Variants in ASIP observed in about 807,000 individuals in gnomAD.
The protein encoded by ASIP is agouti-signaling protein.
Under a neutral mutation model 10.3 loss-of-function variants are expected in ASIP, and 11 were observed. That is an observed-to-expected ratio of 1.07 (90% CI 0.68 to 1.78). ASIP has a LOEUF of 1.78. Ranked by LOEUF, ASIP falls within the 40% of genes most tolerant of loss-of-function variation. The pLI is 0.00. For missense variants in ASIP, 180 were observed against 169.2 expected, an observed-to-expected ratio of 1.06 and a Z score of -0.35; for synonymous variants, 70 against 70.8, an observed-to-expected ratio of 0.99 and a Z score of 0.06.
At chr20:34,226,789 A>G (rs750310129) in intron 1 of ASIP, among the ~76,000 whole-genome samples, 6 of 152,250 alleles carry the variant, frequency 3.9e-5, no homozygotes, top group East Asian at 3.9e-4. Context: ...GGGTCTTGCT[A>G]TGTTGACCAG....
intron 1 of ASIP, among the ~76,000 whole-genome samples, chr20:34,252,594 C>A (rs1412865559): frequency 1.3e-5 from 2 of 152,172 alleles, no homozygotes; most frequent in African/African-American, 4.8e-5. Flanking sequence ...TACACTGAGA[C>A]ATTCCATTCC....
upstream of ASIP, chr20:34,241,393 T>G: frequency 2.1e-6 from 2 of 950,256 alleles, no homozygotes; most frequent in Non-Finnish European, 2.5e-6. Context: ...GTTTTCTTGT[T>G]CTTGTCTTTG....
Position 34,262,846 on chromosome 20 carries a change from T to G in ASIP, c.175T>G (p.Ser59Ala). 1 of 1,613,854 alleles carries G rather than the reference T, an allele frequency of 6.2e-7. No homozygotes were observed. Among genetic ancestry groups the G allele is most frequent in the South Asian group, 1.1e-5 (1 of 91,080 alleles). Reference sequence around the variant, plus strand: ...TCTCTTTGAAGCGCTGAACAAGAAATCCAAACAGATCGGCAGAAAAGCAGC... The same window carrying G: ...TCTCTTTGAAGCGCTGAACAAGAAAGCCAAACAGATCGGCAGAAAAGCAGC... ...SVSIVALNKK[S>A]KQIGRKAAEK... is the part of the protein sequence containing the mutation. The change falls in exon 3 of 4, where the codon TCC becomes GCC. Residue 59 changes from serine (S) to alanine (A), a missense_variant. Coordinates refer to ENST00000374954, the MANE Select transcript of ASIP (RefSeq NM_001672.3).
chr20:34,245,814 C>G, intron 1 of ASIP: 1 of 783,428 alleles, frequency 1.3e-6, no homozygotes, highest in Non-Finnish European at 1.6e-6. Flanking sequence ...ATGCCAAGGA[C>G]GAGGGCAGTC....
At chr20:34,194,558 G>A (rs970189049), upstream of ASIP, 5 of 150,146 alleles carry the variant, frequency 3.3e-5, no homozygotes, top group Admixed American at 6.6e-5. Context: ...CACCCAACAC[G>A]CTTGCATTTC....
In ASIP at chr20:34,262,889, C is replaced by G. The variant is rs754721917; in HGVS notation, c.218C>G (p.Ser73Cys). ...AAAGCAGCAGAAAAGAAAAGATCTT[C>G]TAAGGTAAGGGCAGGGAAGTTCTGG... ...GRKAAEKKRS[S>C]KKEASMKKVV... Residue 73 changes from serine to cysteine, a missense_variant, in exon 3 of 4, where the codon TCT (serine) becomes TGT (cysteine). Ser to Cys is a moderately radical substitution (Grantham distance 112). Coordinates refer to ENST00000374954, the MANE Select transcript of ASIP (RefSeq NM_001672.3). 1 of 1,613,984 alleles carries G rather than the reference C, an allele frequency of 6.2e-7. No homozygotes were observed. Among genetic ancestry groups the G allele is most frequent in the Non-Finnish European group, 8.5e-7 (1 of 1,179,906 alleles).
At chr20:34,235,767 A>C (rs1271205442) in intron 1 of ASIP, among the ~76,000 whole-genome samples, 1 of 147,836 alleles carries the variant, frequency 6.8e-6, no homozygotes, top group African/African-American at 2.5e-5. Flanking sequence ...CCTGTGTGAC[A>C]GAGTGAGACT....
chr20:34,265,734 T>G (rs6120584), intron 3 of ASIP, among the ~76,000 whole-genome samples: 1,673 of 150,410 alleles, frequency 0.011, 33 homozygotes, highest in African/African-American at 0.039. Flanking sequence ...TGGATCACCT[T>G]AGGTCAGGAA....
chr20:34,234,184 C>T (rs549269779), intron 1 of ASIP, among the ~76,000 whole-genome samples: 1 of 152,300 alleles, frequency 6.6e-6, no homozygotes, highest in Non-Finnish European at 1.5e-5. Flanking sequence ...GAGCCCTTAC[C>T]ATGCACACCA....
At chr20:34,253,179 C>T (rs1200112424) in intron 1 of ASIP, among the ~76,000 whole-genome samples, 1 of 151,640 alleles carries the variant, frequency 6.6e-6, no homozygotes, top group African/African-American at 2.4e-5. Flanking sequence ...TCACTCAGCT[C>T]ACTGCAAGCT....
At chr20:34,205,038 C>T (rs996988534) in intron 1 of ASIP, among the ~76,000 whole-genome samples, 1 of 152,188 alleles carries the variant, frequency 6.6e-6, no homozygotes, top group Admixed American at 6.5e-5. Context: ...TTATACTCAC[C>T]CTATTGTGCT....
chr20:34,204,018 C>T (rs577528946), intron 1 of ASIP, among the ~76,000 whole-genome samples: 41 of 152,200 alleles, frequency 2.7e-4, no homozygotes, highest in Non-Finnish European at 4.8e-4. Flanking sequence ...GCCACCACGC[C>T]CGGCCATAAA....
intron 1 of ASIP, among the ~76,000 whole-genome samples, chr20:34,211,656 A>C (rs2034975207): frequency 6.6e-6 from 1 of 152,172 alleles, no homozygotes; most frequent in Admixed American, 6.5e-5. Flanking sequence ...TTTACGAAAA[A>C]ATGTTTTTGC....
intron 1 of ASIP, chr20:34,215,507 G>GTGGACCT: frequency 6.5e-7 from 1 of 1,531,946 alleles, no homozygotes; most frequent in Non-Finnish European, 9.0e-7. Context: ...ACTACTGAGA[G>GTGGACCT]AATGTCAAAA....
chr20:34,207,948 C>T (rs991980198), intron 1 of ASIP, among the ~76,000 whole-genome samples: 1 of 151,982 alleles, frequency 6.6e-6, no homozygotes, highest in African/African-American at 2.4e-5. Context: ...CACCACCACG[C>T]CTGGCTGATT....
At chr20:34,209,099 T>A (rs1304831135) in intron 1 of ASIP, among the ~76,000 whole-genome samples, 2 of 152,230 alleles carry the variant, frequency 1.3e-5, no homozygotes, top group Non-Finnish European at 1.5e-5. Flanking sequence ...ATGCCCTTTG[T>A]TTCTTTCTTT....
chr20:34,243,564 T>C (rs1368627124), intron 1 of ASIP, among the ~76,000 whole-genome samples: 1 of 152,076 alleles, frequency 6.6e-6, no homozygotes, highest in East Asian at 1.9e-4. Flanking sequence ...CTAAGAACTG[T>C]GGAGCACATG....
chr20:34,207,705 A>G (rs2034946305), intron 1 of ASIP, among the ~76,000 whole-genome samples: 1 of 152,128 alleles, frequency 6.6e-6, no homozygotes, highest in Non-Finnish European at 1.5e-5. Flanking sequence ...ATTTTTGTAT[A>G]TGGTGAGAAA....
At chr20:34,257,927 T>C (rs902472561) in intron 1 of ASIP, among the ~76,000 whole-genome samples, 1 of 152,138 alleles carries the variant, frequency 6.6e-6, no homozygotes, top group African/African-American at 2.4e-5. Flanking sequence ...GCAGATCACT[T>C]GAGGTCAGGA....
Sources: allele counts gnomAD v4.1 joint callset (sites outside exome capture counted in the v4.1 genomes callset), GRCh38; gene constraint gnomAD v4.1.1; transcripts MANE v1.5; gene names NCBI Gene and HGNC (gene_info 2026-07-23, HGNC 2026-07-21).